ARHGEF10L: variants seen among roughly 807,000 people sequenced by gnomAD.
ARHGEF10L encodes the protein rho guanine nucleotide exchange factor 10-like protein.
ARHGEF10L carries 69 observed loss-of-function variants against 141.2 expected under a neutral mutation model. The observed-to-expected ratio is 0.49, with a 90% CI of 0.40 to 0.60. The LOEUF (loss-of-function observed/expected upper bound fraction) is 0.60, where lower values mean the gene tolerates loss of function less well. Among genes scored for constraint, ARHGEF10L ranks in the 20% least tolerant of loss-of-function variants. ARHGEF10L has a pLI of 0.00. For synonymous variants in ARHGEF10L, 711 were observed against 718.5 expected, an observed-to-expected ratio of 0.99 and a Z score of 0.17; for missense variants, 1,482 against 1,734.3, an observed-to-expected ratio of 0.85 and a Z score of 2.58.
chr1:17,573,136 G>A lies in ARHGEF10L; in HGVS notation c.-43-7417G>A, dbSNP rs1369921060. ...CCTGCCTGCCTCATCCTCCTGGGGGGCTTTGGGTAGGTCCCTTCCCATCTG... is the reference window on the plus strand; with the variant it reads ...CCTGCCTGCCTCATCCTCCTGGGGGACTTTGGGTAGGTCCCTTCCCATCTG... On this transcript the variant is annotated intron_variant, in intron 1 of 28. Coordinates refer to ENST00000361221, the MANE Select transcript of ARHGEF10L (RefSeq NM_018125.4). The surrounding 1 kb of genome is among the most constrained non-coding windows in gnomAD (Gnocchi z 4.8). Among the ~76,000 whole-genome samples, 1 of 152,162 alleles carries A rather than the reference G, an allele frequency of 6.6e-6. No individual in the cohort carries two copies. The highest frequency in any genetic ancestry group is 1.5e-5 in the Non-Finnish European group (1 of 68,036).
intron 4 of ARHGEF10L, 53 bp from the exon 5 acceptor site, chr1:17,602,074 G>C: frequency 6.9e-7 from 1 of 1,450,218 alleles, no homozygotes; most frequent in Admixed American, 2.4e-5. Context: ...GGCTGCCAGA[G>C]GCTTCTGGGA....
In ARHGEF10L at chr1:17,603,456, G is replaced by C; in HGVS notation, c.350-52G>C. 1.3e-6 allele frequency: 2 copies of C among 1,511,412 alleles called. No homozygotes were observed. Among genetic ancestry groups the C allele is most frequent in the Non-Finnish European group, 1.8e-6 (2 of 1,096,834 alleles). The allele number at this position is 1,511,412 out of a possible 1,614,324, so 93.6% of individuals were successfully genotyped here. A position where few individuals can be genotyped will look rare whatever the true frequency, so the allele number is the denominator to read the frequency against. On this transcript the variant is annotated intron_variant, in intron 5 of 28. Coordinates refer to ENST00000361221, the MANE Select transcript of ARHGEF10L (RefSeq NM_018125.4). The surrounding 1 kb of genome is among the most constrained non-coding windows in gnomAD (Gnocchi z 4.8). The stretch of plus-strand genomic sequence containing the variant: ...CCTGATGTCATCTGCAGCACCTCTG[G>C]CCAGGCTGCCACAGCCCACGGTGGT...
Position 17,553,080 on chromosome 1 carries a change from T to C in ARHGEF10L, c.-44+13130T>C, listed in dbSNP as rs1400652117. On this transcript the variant is annotated intron_variant, in intron 1 of 28. Coordinates refer to ENST00000361221, the MANE Select transcript of ARHGEF10L (RefSeq NM_018125.4). ...GTGGGCCTCAGCCCCTGGCTCATCA[T>C]CTTTCAGCCAAGTGGGGCAGACCCG... 2.6e-5 allele frequency among the ~76,000 whole-genome samples: 4 copies of C among 152,242 alleles called. No homozygotes were observed. In the East Asian group the frequency reaches 5.8e-4, roughly 22 times the overall value.
chr1:17,660,219 G>A (rs561880482), intron 25 of ARHGEF10L, among the ~76,000 whole-genome samples: 6 of 152,276 alleles, frequency 3.9e-5, no homozygotes, highest in South Asian at 2.1e-4. Context: ...GTGGGGATGC[G>A]GGACTATCCC....
chr1:17,526,220 G>A, the ARHGEF10L span, among the ~76,000 whole-genome samples: 1 of 152,144 alleles, frequency 6.6e-6, no homozygotes, highest in Non-Finnish European at 1.5e-5. Context: ...AGCCCAGGGA[G>A]CACAGGAATG....
intron 25 of ARHGEF10L, among the ~76,000 whole-genome samples, chr1:17,661,108 C>T (rs1311327496): frequency 6.6e-6 from 1 of 152,146 alleles, no homozygotes; most frequent in Non-Finnish European, 1.5e-5. Flanking sequence ...TTTTCTGAGA[C>T]AGAGTTTCAC....
At chr1:17,617,623 C>T (rs571800439) in intron 9 of ARHGEF10L, among the ~76,000 whole-genome samples, 5 of 152,354 alleles carry the variant, frequency 3.3e-5, no homozygotes, top group African/African-American at 7.2e-5. Context: ...TGCCTGCCCT[C>T]GGCACATGGC....
At chr1:17,659,706 G>A (rs2062492250) in intron 25 of ARHGEF10L, among the ~76,000 whole-genome samples, 1 of 152,232 alleles carries the variant, frequency 6.6e-6, no homozygotes, top group Non-Finnish European at 1.5e-5. Flanking sequence ...AATATTTGCT[G>A]GTGTTTGAAG....
chr1:17,519,002 C>T, the ARHGEF10L span, among the ~76,000 whole-genome samples: 2 of 150,450 alleles, frequency 1.3e-5, no homozygotes, highest in African/African-American at 4.9e-5. Flanking sequence ...ATGGAGAAAC[C>T]CCGTCTCTAC....
the ARHGEF10L span, among the ~76,000 whole-genome samples, chr1:17,529,408 G>A: frequency 6.6e-6 from 1 of 152,344 alleles, no homozygotes; most frequent in African/African-American, 2.4e-5. Context: ...GACAGTAGAG[G>A]GGATGGTGAC....
rs988995837 is a variant in ARHGEF10L, at chr1:17,683,569, G to A, written c.3010-4004G>A. 5.9e-5 allele frequency among the ~76,000 whole-genome samples: 9 copies of A among 152,320 alleles called. No individual in the cohort carries two copies. In the East Asian group the frequency reaches 1.4e-3, roughly 23 times the overall value. On this transcript the variant is annotated intron_variant, in intron 26 of 28. Transcript: ENST00000361221. ...GAGGCTCAGGCAGGACTCCAGGCTC[G>A]TGGTGTGAGAAGGGGACCCAGGAGC...
chr1:17,541,117 G>C (rs113716485), intron 1 of ARHGEF10L, among the ~76,000 whole-genome samples: 1 of 152,148 alleles, frequency 6.6e-6, no homozygotes, highest in African/African-American at 2.4e-5. Context: ...TCTGATGCTC[G>C]CTCTGTCCCC....
rs1251160161 is a variant in ARHGEF10L, at chr1:17,697,559, G to A, written c.*179G>A. On this transcript the variant is annotated 3_prime_UTR_variant, in exon 29 of 29. Coordinates refer to ENST00000361221, the MANE Select transcript of ARHGEF10L (RefSeq NM_018125.4). The surrounding 1 kb of genome is among the most constrained non-coding windows in gnomAD (Gnocchi z 4.8). ...AATTTTTTTCAGAGTGTTTTGGGGA[G>A]GAGTTTTAGGGCTTGGGGAGAGGGA... 10 of 783,658 alleles carry A rather than the reference G, an allele frequency of 1.3e-5. No homozygotes were observed. Among genetic ancestry groups the A allele is most frequent in the Non-Finnish European group, 2.0e-5 (10 of 490,432 alleles). 48.5% of individuals were successfully genotyped at this position (783,658 alleles called of 1,614,324 possible).
intron 4 of ARHGEF10L, among the ~76,000 whole-genome samples, chr1:17,589,706 G>T (rs2079367882): frequency 6.6e-6 from 1 of 152,178 alleles, no homozygotes; most frequent in Admixed American, 6.5e-5. Context: ...TGAATCAGCA[G>T]CCATTCGTCC....
chr1:17,678,396 G>A (rs540207394), intron 26 of ARHGEF10L, among the ~76,000 whole-genome samples: 73 of 151,960 alleles, frequency 4.8e-4, no homozygotes, highest in Admixed American at 2.4e-3. Flanking sequence ...AGAATAGCCA[G>A]GTGCACTGAT....
chr1:17,552,204 G>A (rs1396100366), intron 1 of ARHGEF10L, among the ~76,000 whole-genome samples: 1 of 152,110 alleles, frequency 6.6e-6, no homozygotes, highest in African/African-American at 2.4e-5. Flanking sequence ...GCGAGGGGAG[G>A]GGGAGATGGG....
At chr1:17,696,192 G>A (rs1282291601) in intron 28 of ARHGEF10L, among the ~76,000 whole-genome samples, 3 of 133,262 alleles carry the variant, frequency 2.3e-5, no homozygotes, top group Non-Finnish European at 4.7e-5. Flanking sequence ...CAGCCTGGGG[G>A]ACAGAGTGAG....
upstream of ARHGEF10L, among the ~76,000 whole-genome samples, chr1:17,538,860 AGAGG>A (rs2076622793): frequency 3.9e-5 from 6 of 152,272 alleles, no homozygotes; most frequent in South Asian, 1.2e-3. Flanking sequence ...CCTTGCAAAT[AGAGG>A]GGTAGCGGGG....
Position 17,621,586 on chromosome 1 carries a change from G to C in ARHGEF10L, c.943-278G>C, listed in dbSNP as rs1017547677. Among the ~76,000 whole-genome samples the C allele has an allele frequency of 6.6e-6, 1 of 152,202 alleles. No individual in the cohort carries two copies. Among genetic ancestry groups the C allele is most frequent in the African/African-American group, 2.4e-5 (1 of 41,442 alleles). ...ATGGAGGTGGTCACCCGCCACCATG[G>C]AGGAGCGTGGTGATTACCCCATCCC... On this transcript the variant is annotated intron_variant, in intron 10 of 28. Coordinates refer to ENST00000361221, the MANE Select transcript of ARHGEF10L (RefSeq NM_018125.4). The surrounding 1 kb of genome is among the most constrained non-coding windows in gnomAD (Gnocchi z 4.1).
Sources: gnomAD v4.1 joint callset for allele counts (sites outside exome capture counted in the v4.1 genomes callset) on GRCh38, gnomAD v4.1.1 for gene constraint, Gnocchi (gnomAD v3.1) non-coding constraint, MANE v1.5 for transcripts, NCBI Gene and HGNC (gene_info 2026-07-23, HGNC 2026-07-21) for gene names.